The following CPNE8 variants were observed in gnomAD, a reference collection of about 807,000 sequenced individuals.
CPNE8 encodes the protein copine-8.
CPNE8 carries 45 observed loss-of-function variants against 81.5 expected under a neutral mutation model. The ratio of observed to expected loss-of-function variants is 0.55; its 90% CI spans 0.44 to 0.71. The LOEUF (loss-of-function observed/expected upper bound fraction) is 0.71. CPNE8 is among the 30% of genes least tolerant of loss of function. The pLI is 0.00. For synonymous variants in CPNE8, 252 were observed against 226.3 expected (o/e 1.11, Z -1.02); for missense variants, 594 against 672.1 (o/e 0.88, Z 1.28).
At chr12:38,849,890 A>AT (rs1943619238) in intron 3 of CPNE8, among the ~76,000 whole-genome samples, 1 of 152,230 alleles carries the variant, frequency 6.6e-6, no homozygotes, top group Non-Finnish European at 1.5e-5. Flanking sequence ...ATAATTCTGC[A>AT]TGGTAGAACT....
intron 10 of CPNE8, among the ~76,000 whole-genome samples, chr12:38,752,642 A>G (rs554524812): frequency 2.0e-5 from 3 of 152,230 alleles, no homozygotes; most frequent in Non-Finnish European, 2.9e-5. Flanking sequence ...TGAAATTAAT[A>G]TAACTCATTC....
At chr12:38,711,618 G>A (rs552600774) in intron 13 of CPNE8, among the ~76,000 whole-genome samples, 11 of 152,002 alleles carry the variant, frequency 7.2e-5, no homozygotes, top group Admixed American at 2.0e-4. Flanking sequence ...ACAGGCATGC[G>A]CCACCACGCC....
chr12:38,770,004 G>T (rs1433197772), intron 7 of CPNE8, among the ~76,000 whole-genome samples: 1 of 152,260 alleles, frequency 6.6e-6, no homozygotes, highest in East Asian at 1.9e-4. Flanking sequence ...GAGAGGAAAA[G>T]TATTTATATA....
At chr12:38,692,913 C>T (rs1437115010) in intron 15 of CPNE8, among the ~76,000 whole-genome samples, 1 of 152,108 alleles carries the variant, frequency 6.6e-6, no homozygotes, top group African/African-American at 2.4e-5. Context: ...ATGATATAAA[C>T]ATCCTTGGAG....
chr12:38,836,783 A>T (rs1943387220), intron 5 of CPNE8, among the ~76,000 whole-genome samples: 1 of 152,138 alleles, frequency 6.6e-6, no homozygotes, highest in Non-Finnish European at 1.5e-5. Context: ...GATCTTCAAA[A>T]ATCCTCATGA....
chr12:38,764,611 C>T (rs1390756842), intron 8 of CPNE8, among the ~76,000 whole-genome samples: 22 of 110,720 alleles, frequency 2.0e-4, no homozygotes, highest in Middle Eastern at 0.012. Context: ...AGCGAGACTC[C>T]GTCTCAAAAA....
At chr12:38,887,231 A>T (rs1944249415) in intron 1 of CPNE8, among the ~76,000 whole-genome samples, 1 of 152,154 alleles carries the variant, frequency 6.6e-6, no homozygotes, top group Non-Finnish European at 1.5e-5. Context: ...AGATAGGAAG[A>T]GGGGTATATT....
intron 13 of CPNE8, among the ~76,000 whole-genome samples, chr12:38,704,464 C>T (rs1458685741): frequency 6.6e-6 from 1 of 152,072 alleles, no homozygotes; most frequent in East Asian, 1.9e-4. Context: ...TGCTCCTCAA[C>T]TTGCAGTGGG....
chr12:38,753,217 C>A (rs912098507), intron 10 of CPNE8, among the ~76,000 whole-genome samples: 1 of 152,092 alleles, frequency 6.6e-6, no homozygotes, highest in African/African-American at 2.4e-5. Context: ...TTTGGGAGGC[C>A]GAGACGGGTG....
intron 11 of CPNE8, among the ~76,000 whole-genome samples, chr12:38,727,380 AAT>A (rs1022774798): frequency 1.3e-5 from 2 of 152,198 alleles, no homozygotes; most frequent in African/African-American, 4.8e-5. Context: ...TCAGGTAATG[AAT>A]ATGGTAATTA....
chr12:38,899,432 A>G (rs1592164112), intron 1 of CPNE8, among the ~76,000 whole-genome samples: 1 of 152,188 alleles, frequency 6.6e-6, no homozygotes, highest in South Asian at 2.1e-4. Flanking sequence ...CTGATCGCAG[A>G]CATCCATCCT....
chr12:38,654,171 G>T, intron 19 of CPNE8, 101 bp from the exon 20 acceptor site: 2 of 1,373,142 alleles, frequency 1.5e-6, no homozygotes, highest in Non-Finnish European at 9.5e-7. Flanking sequence ...AGGAAAATCA[G>T]GGAATCTGAG....
intron 17 of CPNE8, 93 bp downstream of exon 17, chr12:38,677,359 T>C: frequency 2.8e-6 from 2 of 716,644 alleles, no homozygotes; most frequent in East Asian, 2.6e-5. Context: ...GTGGTGATTT[T>C]ATTTTATTGT....
At chr12:38,722,841 T>C (rs750491099) in intron 13 of CPNE8, among the ~76,000 whole-genome samples, 36 of 151,518 alleles carry the variant, frequency 2.4e-4, no homozygotes, top group Non-Finnish European at 4.9e-4. Flanking sequence ...TGGTGGGAGG[T>C]GATTGGATCA....
chr12:38,849,645 G>A (rs1325895974), intron 3 of CPNE8, among the ~76,000 whole-genome samples: 1 of 152,132 alleles, frequency 6.6e-6, no homozygotes, highest in Non-Finnish European at 1.5e-5. Context: ...GATTTACTAA[G>A]GCTACTTCCA....
intron 6 of CPNE8, among the ~76,000 whole-genome samples, chr12:38,797,620 G>A (rs903882118): frequency 6.6e-6 from 1 of 152,064 alleles, no homozygotes; most frequent in African/African-American, 2.4e-5. Context: ...AGAAAAACTG[G>A]AAACTCTAAA....
intron 10 of CPNE8, among the ~76,000 whole-genome samples, chr12:38,752,325 A>G (rs1941367311): frequency 6.6e-6 from 1 of 152,236 alleles, no homozygotes; most frequent in Non-Finnish European, 1.5e-5. Flanking sequence ...ATGTAAATCA[A>G]TAAAGCCAAA....
At chr12:38,860,893 G>A (rs1027425952) in intron 3 of CPNE8, among the ~76,000 whole-genome samples, 23 of 152,272 alleles carry the variant, frequency 1.5e-4, no homozygotes, top group African/African-American at 4.8e-4. Flanking sequence ...TTTCAGTTAC[G>A]AAAAATGAGT....
intron 3 of CPNE8, among the ~76,000 whole-genome samples, chr12:38,855,831 T>C (rs1943722812): frequency 1.3e-5 from 2 of 151,984 alleles, no homozygotes; most frequent in Non-Finnish European, 2.9e-5. Context: ...TTGTATCCCA[T>C]AAATATATAA....
Sources: gnomAD v4.1 joint callset for allele counts (sites outside exome capture counted in the v4.1 genomes callset) on GRCh38, gnomAD v4.1.1 for gene constraint, MANE v1.5 for transcripts, NCBI Gene and HGNC (gene_info 2026-07-23, HGNC 2026-07-21) for gene names.